UBE3C: variants seen among roughly 807,000 people sequenced by gnomAD.
UBE3C encodes the protein ubiquitin-protein ligase E3C.
UBE3C carries 42 observed loss-of-function variants against 129.4 expected under a neutral mutation model. That is an observed-to-expected ratio of 0.32 (90% CI 0.25 to 0.42). UBE3C has a LOEUF of 0.42. Ranked by LOEUF, UBE3C falls within the 10% of genes least tolerant of loss-of-function variation. The pLI is 1.00. For missense variants in UBE3C, 1,049 were observed against 1,319.1 expected (o/e 0.80, Z 3.17); for synonymous variants, 510 against 492.4 (o/e 1.04, Z -0.47).
chr7:157,201,263 G>T (rs1464467123), intron 10 of UBE3C, among the ~76,000 whole-genome samples: 1 of 152,110 alleles, frequency 6.6e-6, no homozygotes, highest in Non-Finnish European at 1.5e-5. Context: ...GGTGGAGGTT[G>T]CAGTGAGCCA....
chr7:157,223,003 G>A (rs955065786), intron 15 of UBE3C: 5 of 391,276 alleles, frequency 1.3e-5, no homozygotes, highest in Admixed American at 1.2e-4. Flanking sequence ...CTAGACAGCT[G>A]GAGTGGAAGT....
intron 19 of UBE3C, among the ~76,000 whole-genome samples, chr7:157,250,134 G>A (rs1796585497): frequency 6.6e-6 from 1 of 152,212 alleles, no homozygotes. Flanking sequence ...CTGGCCGGGA[G>A]GTGTGATGCC....
chr7:157,178,425 G>A (rs1012350583), intron 5 of UBE3C, among the ~76,000 whole-genome samples: 11 of 152,138 alleles, frequency 7.2e-5, no homozygotes, highest in African/African-American at 2.7e-4. Flanking sequence ...AATTTTTCGT[G>A]TTCATTTCTC....
chr7:157,269,182 A>G lies in UBE3C; in HGVS notation c.*1427A>G, dbSNP rs1797159489. The stretch of plus-strand genomic sequence containing the variant: ...GGTCTTTTTTATTTTAGGTTGTTTT[A>G]TGTTGAATGTTCTATATCTTATTAG... On this transcript the variant is annotated 3_prime_UTR_variant, in exon 23 of 23. Coordinates refer to ENST00000348165, the MANE Select transcript of UBE3C (RefSeq NM_014671.3). The G allele has an allele frequency of 6.6e-6, 1 of 152,578 alleles. No homozygotes were observed. Among genetic ancestry groups the G allele is most frequent in the Admixed American group, 6.5e-5 (1 of 15,280 alleles). The allele number at this position is 152,578 out of a possible 1,614,324, so 9.5% of individuals were successfully genotyped here.
chr7:157,223,406 TAAC>T (rs1795791860), intron 16 of UBE3C, 55 bp downstream of exon 16: 1 of 1,452,356 alleles, frequency 6.9e-7, no homozygotes, highest in Non-Finnish European at 9.4e-7. Flanking sequence ...GTTAAGAAAT[TAAC>T]ACACACCCAC....
intron 18 of UBE3C, among the ~76,000 whole-genome samples, chr7:157,232,167 CCT>C (rs1796038781): frequency 6.6e-6 from 1 of 152,044 alleles, no homozygotes; most frequent in Admixed American, 6.5e-5. Flanking sequence ...AATAAGGACA[CCT>C]GTCATTGTAT....
chr7:157,139,775 G>A (rs1365181896), intron 1 of UBE3C, among the ~76,000 whole-genome samples: 1 of 152,232 alleles, frequency 6.6e-6, no homozygotes, highest in East Asian at 1.9e-4. Context: ...TTCCATGCTC[G>A]CTCCCGCATG....
At chr7:157,171,657 A>ATT (rs1326279576) in intron 4 of UBE3C, among the ~76,000 whole-genome samples, 19 of 89,838 alleles carry the variant, frequency 2.1e-4, no homozygotes, top group South Asian at 4.0e-4. Flanking sequence ...ATTTTTAAAT[A>ATT]TTTTATATAT....
chr7:157,164,645 C>CT (rs1808165118), intron 2 of UBE3C: 1 of 343,356 alleles, frequency 2.9e-6, no homozygotes, highest in Non-Finnish European at 5.7e-6. Context: ...ATCTTATGAC[C>CT]TGCTTTTTTA....
chr7:157,183,843 A>G (rs1808734811), intron 8 of UBE3C, 35 bp from the exon 9 acceptor site: 8 of 1,577,702 alleles, frequency 5.1e-6, no homozygotes, highest in Non-Finnish European at 6.0e-6. Context: ...AATAATGTTT[A>G]ACTAAAATAC....
Position 157,182,218 on chromosome 7 carries a change from A to G in UBE3C, c.881A>G (p.Tyr294Cys). 1 of 1,614,224 alleles carries G rather than the reference A, an allele frequency of 6.2e-7. No homozygotes were observed. Among genetic ancestry groups the G allele is most frequent in the South Asian group, 1.1e-5 (1 of 91,084 alleles). Reference protein sequence around the residue: ...ALADAQTVFPYEPFLNALLLI... With the variant: ...ALADAQTVFPCEPFLNALLLI... The stretch of plus-strand genomic sequence containing the variant: ...GCAGATGCGCAGACCGTTTTCCCTT[A>G]CGAGCCCTTTCTGAATGCACTGTTG... The change falls in exon 8 of 23, where the codon TAC becomes TGC. Residue 294 changes from tyrosine (Y) to cysteine (C), a missense_variant. Coordinates refer to ENST00000348165, the MANE Select transcript of UBE3C (RefSeq NM_014671.3).
chr7:157,183,308 T>C (rs1808717690), intron 8 of UBE3C, among the ~76,000 whole-genome samples: 3 of 152,132 alleles, frequency 2.0e-5, no homozygotes, highest in Admixed American at 2.0e-4. Flanking sequence ...CCTGCAAAAA[T>C]GGGGGTTCCT....
chr7:157,234,906 A>G (rs1796114535), intron 18 of UBE3C, among the ~76,000 whole-genome samples: 1 of 152,158 alleles, frequency 6.6e-6, no homozygotes. Context: ...AAATCTTTAC[A>G]ATGGGCCAGG....
intron 22 of UBE3C, among the ~76,000 whole-genome samples, chr7:157,261,306 G>GAAAAAAAAAAAAAAAAAAAAAA (rs57114090): frequency 1.3e-5 from 1 of 78,022 alleles, no homozygotes; most frequent in Non-Finnish European, 2.3e-5. Context: ...AACTCTGTCT[G>GAAAAAAAAAAAAAAAAAAAAAA]AAAAAAAAAA....
At chr7:157,235,596 T>G (rs1226432265) in intron 18 of UBE3C, among the ~76,000 whole-genome samples, 3 of 152,214 alleles carry the variant, frequency 2.0e-5, no homozygotes, top group Non-Finnish European at 4.4e-5. Context: ...ATGTATATAT[T>G]TACAGAAGAT....
chr7:157,139,411 C>CTCGGGGA, intron 1 of UBE3C, 73 bp downstream of exon 1: 1 of 732,804 alleles, frequency 1.4e-6, no homozygotes, highest in Non-Finnish European at 1.9e-6. Flanking sequence ...GGACTCGGGG[C>CTCGGGGA]TGGACTCGGG....
At chr7:157,226,706 A>G (rs977550685) in intron 17 of UBE3C, among the ~76,000 whole-genome samples, 8 of 147,626 alleles carry the variant, frequency 5.4e-5, no homozygotes, top group Non-Finnish European at 1.5e-5. Context: ...TTGTTTCCTT[A>G]CTCTATTTCA....
At chr7:157,182,033 A>C in intron 7 of UBE3C, 75 bp from the exon 8 acceptor site, 1 of 1,392,212 alleles carries the variant, frequency 7.2e-7, no homozygotes, top group Non-Finnish European at 9.7e-7. Flanking sequence ...GGATATTTTG[A>C]AAGGTGATTT....
chr7:157,182,563 A>C (rs149502099), intron 8 of UBE3C, among the ~76,000 whole-genome samples: 49 of 152,306 alleles, frequency 3.2e-4, no homozygotes, highest in African/African-American at 1.2e-3. Flanking sequence ...ATTTTAATAG[A>C]GTTAACAGAG....
Sources: gnomAD v4.1 joint callset for allele counts (sites outside exome capture counted in the v4.1 genomes callset) on GRCh38, gnomAD v4.1.1 for gene constraint, MANE v1.5 for transcripts, NCBI Gene and HGNC (gene_info 2026-07-23, HGNC 2026-07-21) for gene names.